KIF26A: variants seen among roughly 807,000 people sequenced by gnomAD.
KIF26A encodes the protein kinesin-like protein KIF26A.
Under a neutral mutation model 126.0 loss-of-function variants are expected in KIF26A, and 74 were observed. The observed-to-expected ratio is 0.59, with a 90% CI of 0.49 to 0.71. The LOEUF (loss-of-function observed/expected upper bound fraction) is 0.71. Ranked by LOEUF, KIF26A falls within the 30% of genes least tolerant of loss-of-function variation. The probability of loss-of-function intolerance (pLI) is 0.00; values close to 1 mark genes in which losing one functional copy is unlikely to be tolerated. For missense variants in KIF26A, 2,984 were observed against 2,763.3 expected (o/e 1.08, Z -1.79); for synonymous variants, 1,445 against 1,232.7 (o/e 1.17, Z -3.61).
chr14:104,165,000 TGCACGTGTCTCTGG>T (rs2037870799), intron 4 of KIF26A, among the ~76,000 whole-genome samples: 1 of 151,972 alleles, frequency 6.6e-6, no homozygotes, highest in South Asian at 2.1e-4. Context: ...TCTGTATGCG[TGCACGTGTCTCTGG>T]GTGTGCCTCT....
Position 104,179,343 on chromosome 14 carries a change from C to G in KIF26A, c.5424C>G (p.Thr1808=). 1.3e-6 allele frequency: 2 copies of G among 1,539,340 alleles called. No individual in the cohort carries two copies. Among genetic ancestry groups the G allele is most frequent in the Non-Finnish European group, 1.7e-6 (2 of 1,145,930 alleles). ...HKHLCEELAE[T]QGRLMLEPGR... ...ACCTGTGTGAGGAGCTGGCCGAGAC[C>G]CAGGGCCGGCTGATGCTGGAGCCTG... is the stretch of plus-strand genomic sequence containing the variant. The change falls in exon 14 of 15, where the codon ACC becomes ACG. Residue 1808 remains threonine (T), a synonymous_variant. Coordinates refer to ENST00000423312, the MANE Select transcript of KIF26A (RefSeq NM_015656.2).
At chr14:104,160,879 G>A (rs2141103132) in intron 4 of KIF26A, among the ~76,000 whole-genome samples, 1 of 152,302 alleles carries the variant, frequency 6.6e-6, no homozygotes, top group East Asian at 1.9e-4. Context: ...CATTGGGTGG[G>A]GAGCACCTCA....
intron 4 of KIF26A, among the ~76,000 whole-genome samples, chr14:104,162,099 C>G (rs908184130): frequency 2.6e-5 from 4 of 152,214 alleles, no homozygotes; most frequent in Non-Finnish European, 4.4e-5. Context: ...TGAATTTCAT[C>G]AAAGGAGAAA....
In KIF26A at chr14:104,156,618, C is replaced by T. The variant is rs540059786; in HGVS notation, c.736-1137C>T. Among the ~76,000 whole-genome samples the T allele has an allele frequency of 2.5e-3, 380 of 152,188 alleles. 2 individuals are homozygous for T. Among genetic ancestry groups the T allele is most frequent in the Non-Finnish European group, 4.8e-3 (323 of 67,990 alleles). On this transcript the variant is annotated intron_variant, in intron 3 of 14. Transcript: ENST00000423312. The stretch of plus-strand genomic sequence containing the variant: ...CGGCCATGGGTTGGGCAGGGTGAGC[C>T]GGCCATGGGTTGGGCAGGGTGAGCC...
Position 104,176,870 on chromosome 14 carries a change from C to A in KIF26A, c.4082C>A (p.Pro1361His), listed in dbSNP as rs1164122042. 5.2e-6 allele frequency: 8 copies of A among 1,543,110 alleles called. No individual in the cohort carries two copies. The Admixed American group carries it at 1.6e-4, about 30-fold the overall frequency. ...CTCCCGAGGCCCAGTGGGGCGGCCC[C>A]CCCGGCCCCACCCACGCGGAAGTCC... ...GFLPRPSGAA[P>H]PAPPTRKSSL... Residue 1361 changes from proline to histidine, a missense_variant, in exon 12 of 15, where the codon CCC (proline) becomes CAC (histidine). Physicochemically the swap from Pro to His is moderately conservative, Grantham distance 77 (BLOSUM62 -2). Transcript: ENST00000423312.
At chr14:104,145,047 G>A (rs1339518944) in intron 2 of KIF26A, among the ~76,000 whole-genome samples, 3 of 152,178 alleles carry the variant, frequency 2.0e-5, no homozygotes, top group Non-Finnish European at 2.9e-5. Context: ...CTGCACCCAC[G>A]CTGCTCCCTT....
rs190679386 is a variant in KIF26A, at chr14:104,178,095, G to A, written c.5110+197G>A. Among the ~76,000 whole-genome samples, 695 of 152,364 alleles carry A rather than the reference G, an allele frequency of 4.6e-3. 5 individuals are homozygous for A. Among genetic ancestry groups the A allele is most frequent in the African/African-American group, 0.016 (658 of 41,584 alleles). ...GTGTGGAGGTGCACGGCCCTCTGCAGTTTATAAACCCCCTGTACTTGCCCT... is the reference window on the plus strand; with the variant it reads ...GTGTGGAGGTGCACGGCCCTCTGCAATTTATAAACCCCCTGTACTTGCCCT... On this transcript the variant is annotated intron_variant, in intron 12 of 14. Coordinates refer to ENST00000423312, the MANE Select transcript of KIF26A (RefSeq NM_015656.2).
At chr14:104,150,747 T>C (rs1004731236) in intron 2 of KIF26A, among the ~76,000 whole-genome samples, 7 of 152,190 alleles carry the variant, frequency 4.6e-5, no homozygotes, top group Non-Finnish European at 8.8e-5. Context: ...TGAGGCAACA[T>C]GGCCAGCCAT....
intron 2 of KIF26A, among the ~76,000 whole-genome samples, chr14:104,146,033 A>AG (rs2037677452): frequency 6.6e-6 from 1 of 152,218 alleles, no homozygotes; most frequent in South Asian, 2.1e-4. Context: ...GGCAGTGGCA[A>AG]GGGTGCGTCT....
rs576086904 is a variant in KIF26A, at chr14:104,157,792, C to G, written c.773C>G (p.Thr258Arg). The stretch of plus-strand genomic sequence containing the variant: ...GTGGCGGCCGTGGCGGTGGCAGACA[C>G]GGTCCGAGAATGCCCCCCCGTGGCC... The part of the protein sequence containing the change: ...AAVAAVAVAD[T>R]VRECPPVAGP... Residue 258 changes from threonine to arginine, a missense_variant, in exon 4 of 15, where the codon ACG (threonine) becomes AGG (arginine). Physicochemically the swap from Thr to Arg is moderately conservative, Grantham distance 71. Transcript: ENST00000423312. 4 of 1,610,426 alleles carry G rather than the reference C, an allele frequency of 2.5e-6. No homozygotes were observed. The South Asian group carries it at 4.4e-5, about 18-fold the overall frequency.
chr14:104,144,603 A>G (rs1478962153), intron 2 of KIF26A, among the ~76,000 whole-genome samples: 1 of 152,188 alleles, frequency 6.6e-6, no homozygotes, highest in Non-Finnish European at 1.5e-5. Context: ...CTTAAGTAAC[A>G]AAGAAAGTCT....
intron 4 of KIF26A, 87 bp from the exon 5 acceptor site, chr14:104,166,772 G>C: frequency 7.8e-7 from 1 of 1,277,968 alleles, no homozygotes; most frequent in Non-Finnish European, 1.1e-6. Context: ...GAAGTCCCAG[G>C]GTGGGATCGC....
chr14:104,139,489 G>T (rs534847070), intron 2 of KIF26A, among the ~76,000 whole-genome samples: 1 of 152,224 alleles, frequency 6.6e-6, no homozygotes, highest in African/African-American at 2.4e-5. Flanking sequence ...TCAGCCCGAG[G>T]GGCCCTGCTG....
Position 104,176,574 on chromosome 14 carries a change from C to A in KIF26A, c.3786C>A (p.Ser1262Arg). The change falls in exon 12 of 15, where the codon AGC (serine) becomes AGA (arginine). Residue 1262 changes from serine to arginine, a missense_variant. Physicochemically the swap from Ser to Arg is moderately radical, Grantham distance 110. Coordinates refer to ENST00000423312, the MANE Select transcript of KIF26A (RefSeq NM_015656.2). ...TQAASAGRAP[S>R]PTLGSPRLPE... ...CAGCTTCTGCTGGCAGGGCCCCCAG[C>A]CCCACACTTGGCTCCCCCCGGCTGC... 6.2e-7 allele frequency: 1 copy of A among 1,607,648 alleles called. No individual in the cohort carries two copies. The highest frequency in any genetic ancestry group is 8.5e-7 in the Non-Finnish European group (1 of 1,179,678).
At chr14:104,171,311 A>C (rs565958740) in intron 5 of KIF26A, among the ~76,000 whole-genome samples, 56 of 152,240 alleles carry the variant, frequency 3.7e-4, no homozygotes, top group African/African-American at 1.3e-3. Context: ...TTATCTTGCA[A>C]GTGCTCCCCC....
chr14:104,168,107 C>T (rs2037923913), intron 5 of KIF26A, among the ~76,000 whole-genome samples: 1 of 152,194 alleles, frequency 6.6e-6, no homozygotes, highest in Admixed American at 6.5e-5. Flanking sequence ...CTGGTGAGAG[C>T]CTGCTTGACC....
chr14:104,159,663 G>C (rs573996904), intron 4 of KIF26A, among the ~76,000 whole-genome samples: 8 of 152,230 alleles, frequency 5.3e-5, no homozygotes, highest in African/African-American at 1.9e-4. Context: ...CTCCCAAGGC[G>C]GGGGCGCTGC....
chr14:104,145,051 C>T (rs538590590), intron 2 of KIF26A, among the ~76,000 whole-genome samples: 32 of 152,344 alleles, frequency 2.1e-4, no homozygotes, highest in Non-Finnish European at 3.5e-4. Context: ...ACCCACGCTG[C>T]TCCCTTCCTG....
chr14:104,157,681 C>T (rs2037792755), intron 3 of KIF26A, 74 bp from the exon 4 acceptor site: 1 of 1,490,206 alleles, frequency 6.7e-7, no homozygotes, highest in Non-Finnish European at 9.0e-7. Context: ...GCCTGTCTCT[C>T]CCACTCCGGG....
Sources: gnomAD v4.1 joint callset for allele counts (sites outside exome capture counted in the v4.1 genomes callset) on GRCh38, gnomAD v4.1.1 for gene constraint, MANE v1.5 for transcripts, NCBI Gene and HGNC (gene_info 2026-07-23, HGNC 2026-07-21) for gene names.